Variants in DPYD observed in about 807,000 individuals in gnomAD.
The protein encoded by DPYD is dihydropyrimidine dehydrogenase, also known as dihydropyrimidine dehydrogenase [NADP(+)].
DPYD carries 109 observed loss-of-function variants against 116.2 expected under a neutral mutation model. The observed-to-expected ratio is 0.94, with a 90% CI of 0.80 to 1.10. DPYD has a LOEUF of 1.10. Among genes scored for constraint, DPYD ranks in the 50% least tolerant of loss-of-function variants. The pLI, the probability that DPYD is intolerant of heterozygous loss-of-function variation, is 0.00. For synonymous variants in DPYD, 440 were observed against 432.0 expected (o/e 1.02, Z -0.23); for missense variants, 1,302 against 1,254.5 (o/e 1.04, Z -0.57).
At chr1:97,112,986 G>A (rs959270470) in intron 20 of DPYD, among the ~76,000 whole-genome samples, 2 of 152,008 alleles carry the variant, frequency 1.3e-5, no homozygotes, top group Admixed American at 6.6e-5. Context: ...AAATAAATTC[G>A]CAAACCCCAA....
intron 20 of DPYD, among the ~76,000 whole-genome samples, chr1:97,137,418 T>C (rs1449386380): frequency 6.6e-6 from 1 of 152,236 alleles, no homozygotes. Flanking sequence ...ATCATCTCTC[T>C]TGAAACCTGA....
chr1:97,379,440 T>C (rs1359517784), intron 15 of DPYD, among the ~76,000 whole-genome samples: 1 of 152,218 alleles, frequency 6.6e-6, no homozygotes, highest in East Asian at 1.9e-4. Context: ...TCAAATTTGA[T>C]GGCCCTACTT....
chr1:97,652,676 AT>A (rs1347478128), intron 8 of DPYD, among the ~76,000 whole-genome samples: 1 of 152,192 alleles, frequency 6.6e-6, no homozygotes, highest in Non-Finnish European at 1.5e-5. Flanking sequence ...GGTGAGGGAC[AT>A]TTCTATTGCA....
intron 21 of DPYD, chr1:97,095,959 G>A (rs1027005261): frequency 1.3e-5 from 2 of 152,136 alleles, no homozygotes; most frequent in Non-Finnish European, 2.9e-5. Flanking sequence ...CCATTAAGAT[G>A]TTGACACTGA....
At chr1:97,495,578 G>A (rs941568377) in intron 13 of DPYD, among the ~76,000 whole-genome samples, 4 of 152,112 alleles carry the variant, frequency 2.6e-5, no homozygotes, top group Middle Eastern at 3.4e-3. Context: ...TTGAATCTGT[G>A]AAGTGCTGTA....
chr1:97,355,149 T>C (rs1165513214), intron 16 of DPYD, among the ~76,000 whole-genome samples: 1 of 152,198 alleles, frequency 6.6e-6, no homozygotes, highest in African/African-American at 2.4e-5. Flanking sequence ...CACACTTATT[T>C]ACTACCTAAA....
intron 12 of DPYD, chr1:97,546,892 G>A (rs1650912547): frequency 6.2e-7 from 1 of 1,609,140 alleles, no homozygotes. Context: ...GGGGGATGAA[G>A]ACCAGGAGGA....
chr1:97,551,351 C>T (rs1425663039), intron 11 of DPYD, among the ~76,000 whole-genome samples: 1 of 152,088 alleles, frequency 6.6e-6, no homozygotes, highest in African/African-American at 2.4e-5. Context: ...TTGACAGTTA[C>T]TTGAGTTGCA....
At chr1:97,119,197 A>G (rs1570488505) in intron 20 of DPYD, among the ~76,000 whole-genome samples, 1 of 152,206 alleles carries the variant, frequency 6.6e-6, no homozygotes, top group East Asian at 1.9e-4. Flanking sequence ...CTGGCTTATG[A>G]ACATTGAGAA....
chr1:97,581,293 C>G (rs1213874731), intron 10 of DPYD, among the ~76,000 whole-genome samples: 1 of 133,306 alleles, frequency 7.5e-6, no homozygotes, highest in Admixed American at 8.4e-5. Context: ...CACCACTGCA[C>G]TCCAGCCTGG....
At chr1:97,126,197 G>A (rs1652818264) in intron 20 of DPYD, among the ~76,000 whole-genome samples, 1 of 152,206 alleles carries the variant, frequency 6.6e-6, no homozygotes, top group South Asian at 2.1e-4. Flanking sequence ...GTGGTATTCA[G>A]TGGTGAATCC....
intron 16 of DPYD, among the ~76,000 whole-genome samples, chr1:97,365,190 C>G (rs934728623): frequency 6.6e-6 from 1 of 152,178 alleles, no homozygotes; most frequent in Non-Finnish European, 1.5e-5. Context: ...ACTCTCGAGT[C>G]ATTTGTGGCT....
At chr1:97,502,336 G>C (rs1310139477) in intron 13 of DPYD, among the ~76,000 whole-genome samples, 2 of 151,950 alleles carry the variant, frequency 1.3e-5, no homozygotes, top group Non-Finnish European at 2.9e-5. Flanking sequence ...CTTTTTGAAT[G>C]TAAGGGCCTG....
chr1:97,417,578 T>C (rs568337966), intron 14 of DPYD, among the ~76,000 whole-genome samples: 1 of 152,350 alleles, frequency 6.6e-6, no homozygotes, highest in African/African-American at 2.4e-5. Flanking sequence ...AAGCTACACA[T>C]AGTAAGCAAA....
At chr1:97,362,291 T>C (rs909537458) in intron 16 of DPYD, among the ~76,000 whole-genome samples, 2 of 151,906 alleles carry the variant, frequency 1.3e-5, no homozygotes, top group African/African-American at 2.4e-5. Flanking sequence ...CACTGCTCAA[T>C]GAAATAAAAG....
intron 18 of DPYD, among the ~76,000 whole-genome samples, chr1:97,273,131 G>A (rs75749428): frequency 0.039 from 6,000 of 152,160 alleles, 151 homozygotes; most frequent in Middle Eastern, 0.1. Context: ...CAAACAACTT[G>A]TAGATGACTG....
intron 3 of DPYD, among the ~76,000 whole-genome samples, chr1:97,785,908 C>T (rs548276041): frequency 5.3e-5 from 8 of 150,484 alleles, no homozygotes; most frequent in South Asian, 2.1e-4. Context: ...TTAGCCAGGA[C>T]GGTCTCGATC....
intron 3 of DPYD, among the ~76,000 whole-genome samples, chr1:97,811,027 A>G (rs1192508156): frequency 1.3e-5 from 2 of 152,076 alleles, no homozygotes; most frequent in Middle Eastern, 3.4e-3. Flanking sequence ...TACATCAGAA[A>G]ACTCTCATTT....
chr1:97,175,100 C>T (rs952923277), intron 20 of DPYD, among the ~76,000 whole-genome samples: 2 of 152,160 alleles, frequency 1.3e-5, no homozygotes, highest in African/African-American at 4.8e-5. Context: ...TTGGGTCTTA[C>T]AAGAAATTGC....
Sources: allele counts gnomAD v4.1 joint callset (sites outside exome capture counted in the v4.1 genomes callset), GRCh38; gene constraint gnomAD v4.1.1; transcripts MANE v1.5; gene names NCBI Gene and HGNC (gene_info 2026-07-23, HGNC 2026-07-21).